TLN2: variants seen among roughly 807,000 people sequenced by gnomAD.
TLN2 encodes talin 2, also known as talin-2.
In TLN2, 118 loss-of-function variants were observed where a neutral mutation model predicts 294.7. The observed-to-expected ratio is 0.40, with a 90% CI of 0.34 to 0.47. The LOEUF (loss-of-function observed/expected upper bound fraction) is 0.47. TLN2 is among the 20% of genes least tolerant of loss of function. The pLI, the probability that TLN2 is intolerant of heterozygous loss-of-function variation, is 0.84. For synonymous variants in TLN2, 1,431 were observed against 1,304.5 expected (o/e 1.10, Z -2.09); for missense variants, 3,083 against 3,282.2 (o/e 0.94, Z 1.48).
intron 1 of TLN2, among the ~76,000 whole-genome samples, chr15:62,429,177 G>A (rs1374474952): frequency 4.6e-5 from 7 of 151,994 alleles, no homozygotes; most frequent in African/African-American, 1.4e-4. Context: ...GCGGGGTGCA[G>A]TGATCTTGTG....
At chr15:62,644,587 C>T (rs1050781053) in intron 3 of TLN2, 1 of 456,174 alleles carries the variant, frequency 2.2e-6, no homozygotes, top group Non-Finnish European at 4.4e-6. Flanking sequence ...TTCTGCTTCT[C>T]TCCTTCCTGT....
At chr15:62,630,854 C>T (rs1333179221) in intron 3 of TLN2, among the ~76,000 whole-genome samples, 1 of 151,886 alleles carries the variant, frequency 6.6e-6, no homozygotes, top group East Asian at 1.9e-4. Flanking sequence ...TTCTTTTTGA[C>T]ATTCAGACGA....
intron 3 of TLN2, among the ~76,000 whole-genome samples, chr15:62,640,963 G>A (rs755042656): frequency 6.6e-5 from 10 of 151,816 alleles, no homozygotes; most frequent in Non-Finnish European, 1.0e-4. Context: ...CACCATGCTC[G>A]GCTAATTTTT....
chr15:62,752,161 T>C, intron 34 of TLN2, 144 bp from the exon 35 acceptor site: 1 of 1,120,590 alleles, frequency 8.9e-7, no homozygotes, highest in South Asian at 1.5e-5. Context: ...TTTTCTTCCA[T>C]CTCTTTTTAA....
chr15:62,795,329 G>A (rs551845349), intron 46 of TLN2, among the ~76,000 whole-genome samples: 6 of 152,210 alleles, frequency 3.9e-5, no homozygotes, highest in South Asian at 2.1e-4. Context: ...CAGGTGAAGC[G>A]GACACATGAC....
chr15:62,426,159 G>A (rs758855237), intron 1 of TLN2, among the ~76,000 whole-genome samples: 2 of 152,200 alleles, frequency 1.3e-5, no homozygotes, highest in Non-Finnish European at 2.9e-5. Context: ...AAGCCATGGG[G>A]TGGTGTCCTA....
chr15:62,542,222 C>T (rs1197565071), intron 1 of TLN2, among the ~76,000 whole-genome samples: 3 of 152,152 alleles, frequency 2.0e-5, no homozygotes, highest in African/African-American at 7.2e-5. Flanking sequence ...GAGAGAGTCT[C>T]GCTCTTTCGC....
rs766615322 is a variant in TLN2, at chr15:62,645,611, G to C, written c.-36-1664G>C. Among the ~76,000 whole-genome samples the C allele has an allele frequency of 6.0e-4, 91 of 152,278 alleles. No individual in the cohort carries two copies. The Middle Eastern group carries it at 0.01, about 17-fold the overall frequency. ...CAGCAATCAAGCATGCTGAGAAGCT[G>C]AGACCCTGGAGGCACTCGCTGCACT... On this transcript the variant is annotated intron_variant, in intron 3 of 58. Transcript: ENST00000636159.
chr15:62,439,145 C>G (rs1264293067), intron 1 of TLN2, among the ~76,000 whole-genome samples: 1 of 152,196 alleles, frequency 6.6e-6, no homozygotes, highest in African/African-American at 2.4e-5. Context: ...TTTTCTCTTG[C>G]TGTCATGGCA....
chr15:62,725,470 G>C (rs927282769), intron 27 of TLN2, among the ~76,000 whole-genome samples: 5 of 152,164 alleles, frequency 3.3e-5, no homozygotes, highest in Non-Finnish European at 7.3e-5. Flanking sequence ...CAACGGCAAA[G>C]TGCGTCCATA....
chr15:62,427,098 C>T (rs1835579308), intron 1 of TLN2, among the ~76,000 whole-genome samples: 1 of 152,104 alleles, frequency 6.6e-6, no homozygotes, highest in Non-Finnish European at 1.5e-5. Flanking sequence ...AGGAGCACCC[C>T]CGAGGTTATT....
At chr15:62,813,908 G>A (rs1219580845) in intron 52 of TLN2, among the ~76,000 whole-genome samples, 5 of 151,668 alleles carry the variant, frequency 3.3e-5, no homozygotes, top group South Asian at 4.2e-4. Context: ...TCCGCCTCCC[G>A]GGTTCAAATG....
chr15:62,776,102 G>A (rs904607318), intron 42 of TLN2, among the ~76,000 whole-genome samples: 2 of 152,152 alleles, frequency 1.3e-5, no homozygotes, highest in African/African-American at 4.8e-5. Context: ...GCCCAGGACT[G>A]CCATTGTTTC....
At chr15:62,573,552 G>A (rs947877190) in intron 1 of TLN2, among the ~76,000 whole-genome samples, 26 of 152,200 alleles carry the variant, frequency 1.7e-4, no homozygotes, top group African/African-American at 5.8e-4. Context: ...TATCTTGCAT[G>A]CATGACAGGG....
At chr15:62,826,910 T>A (rs1193976578) in intron 54 of TLN2, among the ~76,000 whole-genome samples, 2 of 152,148 alleles carry the variant, frequency 1.3e-5, no homozygotes, top group Non-Finnish European at 2.9e-5. Flanking sequence ...TGATGCACTA[T>A]GACCTTATTT....
chr15:62,577,832 A>G (rs1022485182), intron 1 of TLN2, among the ~76,000 whole-genome samples: 3 of 152,070 alleles, frequency 2.0e-5, no homozygotes, highest in African/African-American at 7.2e-5. Context: ...TCCTAATGCT[A>G]TCCCTCCCCC....
Position 62,763,548 on chromosome 15 carries a change from C to T in TLN2, c.4962-15C>T. The T allele has an allele frequency of 6.3e-7, 1 of 1,599,496 alleles. No homozygotes were observed. The highest frequency in any genetic ancestry group is 8.5e-7 in the Non-Finnish European group (1 of 1,169,892). ...CCCCATGGAGCCTGTGTCCAACTTG[C>T]ACTATTCCTTCCAGGGACAAGGCCC... On this transcript the variant is annotated splice_polypyrimidine_tract_variant and intron_variant, in intron 39 of 58. Transcript: ENST00000636159.
chr15:62,516,086 A>G (rs1422750266), intron 1 of TLN2, among the ~76,000 whole-genome samples: 1 of 152,222 alleles, frequency 6.6e-6, no homozygotes, highest in East Asian at 1.9e-4. Flanking sequence ...ATCCAATGCA[A>G]CCATCTCTTT....
chr15:62,702,037 C>T lies in TLN2; in HGVS notation c.1742C>T (p.Thr581Ile). ...TDYTAVGCAI[T>I]TISSNLTEMS... ...TACACAGCTGTGGGATGTGCGATCA[C>T]CACTATTTCTTCCAACCTGACGGAG... is the stretch of plus-strand genomic sequence containing the variant. The change falls in exon 18 of 59, where the codon ACC (threonine) becomes ATC (isoleucine). Residue 581 changes from threonine (T) to isoleucine (I), a missense_variant. Coordinates refer to ENST00000636159, the MANE Select transcript of TLN2 (RefSeq NM_015059.3). The T allele has an allele frequency of 6.2e-7, 1 of 1,614,224 alleles. No homozygotes were observed.
Sources: allele counts gnomAD v4.1 joint callset (sites outside exome capture counted in the v4.1 genomes callset), GRCh38; gene constraint gnomAD v4.1.1; transcripts MANE v1.5; gene names NCBI Gene and HGNC (gene_info 2026-07-23, HGNC 2026-07-21).